Variants in PALLD observed in about 807,000 individuals in gnomAD.
The protein encoded by PALLD is palladin, cytoskeletal associated protein, also known as palladin.
In PALLD, 61 loss-of-function variants were observed where a neutral mutation model predicts 123.5. That is an observed-to-expected ratio of 0.49 (90% CI 0.40 to 0.61). PALLD has a LOEUF of 0.61. PALLD is among the 20% of genes least tolerant of loss of function. The pLI is 0.00. For missense variants in PALLD, 1,273 were observed against 1,377.0 expected (o/e 0.92, Z 1.20); for synonymous variants, 465 against 496.4 (o/e 0.94, Z 0.84).
intron 10 of PALLD, among the ~76,000 whole-genome samples, chr4:168,764,870 T>C (rs1269800501): frequency 1.3e-5 from 2 of 152,192 alleles, no homozygotes; most frequent in Non-Finnish European, 1.5e-5. Context: ...GTCAGCTCTT[T>C]CCATTGCCTC....
At chr4:168,569,241 A>G (rs888413712) in intron 2 of PALLD, among the ~76,000 whole-genome samples, 4 of 152,164 alleles carry the variant, frequency 2.6e-5, no homozygotes, top group African/African-American at 9.7e-5. Flanking sequence ...TCCCCTCTAC[A>G]TAGCAACTGG....
intron 10 of PALLD, among the ~76,000 whole-genome samples, chr4:168,858,553 CAGG>C (rs771404263): frequency 1.3e-5 from 2 of 152,204 alleles, no homozygotes; most frequent in Admixed American, 1.3e-4. Flanking sequence ...GAGGCCAACT[CAGG>C]AGAATTGCTT....
chr4:168,553,283 GA>G (rs1218007015), intron 2 of PALLD, among the ~76,000 whole-genome samples: 1 of 152,050 alleles, frequency 6.6e-6, no homozygotes, highest in East Asian at 1.9e-4. Context: ...CAAGTCTGGG[GA>G]AAAAAAGCCT....
At chr4:168,746,927 A>T (rs1170219818) in intron 10 of PALLD, among the ~76,000 whole-genome samples, 1 of 152,358 alleles carries the variant, frequency 6.6e-6, no homozygotes, top group South Asian at 2.1e-4. Flanking sequence ...AGAAAACTGC[A>T]TGATCAGATA....
chr4:168,544,238 G>C (rs1164678884), intron 2 of PALLD, among the ~76,000 whole-genome samples: 1 of 152,218 alleles, frequency 6.6e-6, no homozygotes, highest in Non-Finnish European at 1.5e-5. Context: ...GCACATTTCT[G>C]CATATCCTGC....
At chr4:168,664,770 A>G (rs931162433) in intron 2 of PALLD, among the ~76,000 whole-genome samples, 15 of 96,418 alleles carry the variant, frequency 1.6e-4, no homozygotes, top group East Asian at 9.0e-4. Context: ...GAGGAGGAGG[A>G]AAAAAAAAAA....
At chr4:168,572,547 G>T (rs978381669) in intron 2 of PALLD, among the ~76,000 whole-genome samples, 3 of 151,898 alleles carry the variant, frequency 2.0e-5, no homozygotes, top group Admixed American at 2.0e-4. Flanking sequence ...CGTTTAATAG[G>T]CCTCTCAAAC....
intron 11 of PALLD, 25 bp downstream of exon 11, chr4:168,891,082 C>G (rs774599789): frequency 6.2e-7 from 1 of 1,613,168 alleles, no homozygotes; most frequent in Admixed American, 1.7e-5. Flanking sequence ...GGGACCTGGA[C>G]TTGGAATGTT....
At chr4:168,530,102 A>T (rs1764464554) in intron 2 of PALLD, among the ~76,000 whole-genome samples, 1 of 152,228 alleles carries the variant, frequency 6.6e-6, no homozygotes, top group African/African-American at 2.4e-5. Context: ...TACTCTCCAG[A>T]ATAGTGACTG....
At chr4:168,676,255 T>C (rs1780821164) in intron 3 of PALLD, among the ~76,000 whole-genome samples, 1 of 152,114 alleles carries the variant, frequency 6.6e-6, no homozygotes, top group Admixed American at 6.5e-5. Flanking sequence ...ACCATTCTAA[T>C]TCCTTTGTAG....
intron 10 of PALLD, among the ~76,000 whole-genome samples, chr4:168,791,356 C>T (rs967514373): frequency 6.6e-6 from 1 of 152,136 alleles, no homozygotes; most frequent in Non-Finnish European, 1.5e-5. Context: ...AAAGAACTGC[C>T]CAGGACTGGG....
chr4:168,557,432 G>C (rs1580304360), intron 2 of PALLD, among the ~76,000 whole-genome samples: 1 of 152,104 alleles, frequency 6.6e-6, no homozygotes, highest in African/African-American at 2.4e-5. Flanking sequence ...TCCAAGCAAC[G>C]GATCCCTATT....
In PALLD at chr4:168,927,672, G is replaced by A. The variant is rs1762730544; in HGVS notation, c.*1492G>A. On this transcript the variant is annotated 3_prime_UTR_variant, in exon 22 of 22. Coordinates refer to ENST00000505667, the MANE Select transcript of PALLD (RefSeq NM_001166108.2). ...CTGCTGCCATGAAACTTTGCCTTAA[G>A]AAGGTGCTGGATTCCAAGGTTTGTA... 1 of 226,098 alleles carries A rather than the reference G, an allele frequency of 4.4e-6. No homozygotes were observed. Among genetic ancestry groups the A allele is most frequent in the Non-Finnish European group, 8.8e-6 (1 of 113,356 alleles). 14.0% of individuals were successfully genotyped at this position (226,098 alleles called of 1,614,324 possible). A position where few individuals can be genotyped will look rare whatever the true frequency, so the allele number is the denominator to read the frequency against.
chr4:168,693,492 C>A (rs1419213001), intron 8 of PALLD, among the ~76,000 whole-genome samples: 1 of 152,192 alleles, frequency 6.6e-6, no homozygotes, highest in Non-Finnish European at 1.5e-5. Context: ...GGAAGGCCTT[C>A]CTTTTAAATC....
intron 2 of PALLD, among the ~76,000 whole-genome samples, chr4:168,585,413 A>G (rs1423197412): frequency 6.6e-6 from 1 of 152,108 alleles, no homozygotes; most frequent in Admixed American, 6.6e-5. Flanking sequence ...TGTAGCTTCA[A>G]TTATACTGGC....
chr4:168,528,843 C>G (rs983018157), intron 2 of PALLD, among the ~76,000 whole-genome samples: 21 of 152,140 alleles, frequency 1.4e-4, no homozygotes, highest in African/African-American at 5.1e-4. Context: ...CACAGGGGAA[C>G]TCTTAGGCAT....
chr4:168,499,475 T>C (rs1284964002), intron 1 of PALLD, among the ~76,000 whole-genome samples: 2 of 152,182 alleles, frequency 1.3e-5, no homozygotes, highest in East Asian at 3.8e-4. Context: ...GTTTAGGTTT[T>C]ATTAAAAGAT....
At chr4:168,670,113 G>A (rs1220123263) in intron 3 of PALLD, among the ~76,000 whole-genome samples, 1 of 152,190 alleles carries the variant, frequency 6.6e-6, no homozygotes, top group Non-Finnish European at 1.5e-5. Flanking sequence ...AGAATACAGT[G>A]AAGGAAACAA....
intron 10 of PALLD, among the ~76,000 whole-genome samples, chr4:168,725,372 GT>G (rs1339945749): frequency 6.6e-6 from 1 of 151,708 alleles, no homozygotes; most frequent in African/African-American, 2.4e-5. Flanking sequence ...TCTTTTCCTT[GT>G]TTCTTTGTTA....
Sources: gnomAD v4.1 joint callset for allele counts (sites outside exome capture counted in the v4.1 genomes callset) on GRCh38, gnomAD v4.1.1 for gene constraint, MANE v1.5 for transcripts, NCBI Gene and HGNC (gene_info 2026-07-23, HGNC 2026-07-21) for gene names.